The following CENPP variants were observed in gnomAD, a reference collection of about 807,000 sequenced individuals.
CENPP encodes centromere protein P.
CENPP carries 24 observed loss-of-function variants against 35.6 expected under a neutral mutation model. The observed-to-expected ratio is 0.67, with a 90% confidence interval of 0.49 to 0.95. The LOEUF (loss-of-function observed/expected upper bound fraction) is 0.95. Among genes scored for constraint, CENPP ranks in the 40% least tolerant of loss-of-function variants. The pLI is 0.00. For missense variants in CENPP, 332 were observed against 345.3 expected (o/e 0.96, Z 0.31); for synonymous variants, 120 against 125.5 (o/e 0.96, Z 0.29).
chr9:92,354,700 T>C (rs1047687227), intron 4 of CENPP, among the ~76,000 whole-genome samples: 3 of 152,200 alleles, frequency 2.0e-5, no homozygotes, highest in African/African-American at 4.8e-5. Flanking sequence ...AAAAAAAGTT[T>C]AAAAGACCTG....
rs769544473 is a variant in CENPP at position 92,619,576 on chromosome 9, G to C, written c.*6427G>C. On this transcript the variant is annotated 3_prime_UTR_variant, in exon 8 of 8. Coordinates refer to ENST00000375587, the MANE Select transcript of CENPP (RefSeq NM_001012267.3). ...GCGGTACTGCTGCACCTGCAGGGGCGGGAAAGATCAGCTCCAGGTCACACA... is the reference window on the plus strand; with the variant it reads ...GCGGTACTGCTGCACCTGCAGGGGCCGGAAAGATCAGCTCCAGGTCACACA... The C allele has an allele frequency of 1.9e-6, 3 of 1,569,662 alleles. No individual in the cohort carries two copies. The highest frequency in any genetic ancestry group is 1.9e-5 in the Admixed American group (1 of 52,554).
chr9:92,372,099 C>CTTTTTTTTTTTTTTTTT (rs71362382), intron 4 of CENPP, among the ~76,000 whole-genome samples: 75 of 30,692 alleles, frequency 2.4e-3, no homozygotes, highest in Non-Finnish European at 2.8e-3. Context: ...TGCCAGCCAT[C>CTTTTTTTTTTTTTTTTT]TTTTTTTTTT....
chr9:92,326,563 T>C (rs1840518532), intron 1 of CENPP, among the ~76,000 whole-genome samples: 1 of 152,212 alleles, frequency 6.6e-6, no homozygotes. Flanking sequence ...GAAAAGTAGT[T>C]AATATAGACT....
chr9:92,396,105 G>A (rs866672605), intron 5 of CENPP, among the ~76,000 whole-genome samples: 4 of 152,156 alleles, frequency 2.6e-5, no homozygotes, highest in Middle Eastern at 3.4e-3. Context: ...TTTCAGCACC[G>A]TTTTTTAAAA....
At chr9:92,544,620 A>G (rs941645576) in intron 5 of CENPP, among the ~76,000 whole-genome samples, 12 of 152,084 alleles carry the variant, frequency 7.9e-5, no homozygotes, top group African/African-American at 2.7e-4. Flanking sequence ...AAAAAACAAA[A>G]CTAGTAAAAG....
At chr9:92,495,708 CATAAT>C (rs1243966731) in intron 5 of CENPP, 2 of 899,364 alleles carry the variant, frequency 2.2e-6, no homozygotes, top group African/African-American at 3.6e-5. Flanking sequence ...TGTACATAAC[CATAAT>C]ATGATTTTCA....
At chr9:92,524,640 T>C (rs1319413693) in intron 5 of CENPP, among the ~76,000 whole-genome samples, 1 of 152,194 alleles carries the variant, frequency 6.6e-6, no homozygotes. Flanking sequence ...GTCCACTCAC[T>C]GTCAGTGTTT....
chr9:92,603,756 C>T (rs531783344), intron 5 of CENPP, among the ~76,000 whole-genome samples: 2 of 152,184 alleles, frequency 1.3e-5, no homozygotes, highest in African/African-American at 2.4e-5. Context: ...AGCACATCCA[C>T]GTCACTCCAG....
At chr9:92,361,692 G>C (rs1476575559) in intron 4 of CENPP, among the ~76,000 whole-genome samples, 2 of 151,710 alleles carry the variant, frequency 1.3e-5, no homozygotes, top group East Asian at 3.9e-4. Flanking sequence ...ATGCTGGCCA[G>C]GCTGGTCTCG....
At chr9:92,397,852 C>T (rs1842953530) in intron 5 of CENPP, among the ~76,000 whole-genome samples, 1 of 152,252 alleles carries the variant, frequency 6.6e-6, no homozygotes, top group East Asian at 1.9e-4. Flanking sequence ...ATACCATATA[C>T]TCATGTATAC....
chr9:92,589,200 G>C (rs932809757), intron 5 of CENPP, among the ~76,000 whole-genome samples: 1 of 151,640 alleles, frequency 6.6e-6, no homozygotes, highest in South Asian at 2.1e-4. Flanking sequence ...TTAGCTGGGC[G>C]TGGTAATGCA....
intron 5 of CENPP, among the ~76,000 whole-genome samples, chr9:92,459,026 C>T (rs1177897359): frequency 6.6e-6 from 1 of 152,106 alleles, no homozygotes; most frequent in Admixed American, 6.6e-5. Context: ...TTAGATTCTC[C>T]AAGGAATCTG....
chr9:92,573,975 C>T lies in CENPP; in HGVS notation c.565-37339C>T, dbSNP rs146591733. On this transcript the variant is annotated intron_variant, in intron 5 of 7. Transcript: ENST00000375587. ...GCATAGTATTAGAGTGGGAGTGTCC[C>T]GATTTTCCAGGTACCATCTGTCACA... Among the ~76,000 whole-genome samples the T allele has an allele frequency of 4.3e-3, 648 of 152,196 alleles. 4 individuals are homozygous for T. Among genetic ancestry groups the T allele is most frequent in the African/African-American group, 0.013 (554 of 41,534 alleles).
At chr9:92,360,399 T>C (rs987141711) in intron 4 of CENPP, among the ~76,000 whole-genome samples, 3 of 152,112 alleles carry the variant, frequency 2.0e-5, no homozygotes, top group African/African-American at 7.2e-5. Flanking sequence ...ACCCTATCTC[T>C]ACAAAAACAA....
chr9:92,472,057 A>G lies in CENPP; in HGVS notation c.564+92198A>G, dbSNP rs188346772. Among the ~76,000 whole-genome samples, 198 of 152,298 alleles carry G rather than the reference A, an allele frequency of 1.3e-3. 1 individual carries two copies. The highest frequency in any genetic ancestry group is 2.0e-3 in the Non-Finnish European group (133 of 68,038). On this transcript the variant is annotated intron_variant, in intron 5 of 7. Transcript: ENST00000375587. ...ACAGCTCTATGTACTTTTCCTTTCT[A>G]TACTTTAAAATTGGTCAGGCATGGT...
intron 5 of CENPP, among the ~76,000 whole-genome samples, chr9:92,598,306 G>A (rs1850828692): frequency 6.6e-6 from 1 of 152,170 alleles, no homozygotes; most frequent in Non-Finnish European, 1.5e-5. Context: ...GGCATGTGAG[G>A]GCGAGTTGGC....
intron 5 of CENPP, 29 bp from the exon 6 acceptor site, chr9:92,611,285 C>G: frequency 6.3e-7 from 1 of 1,584,002 alleles, no homozygotes; most frequent in South Asian, 1.1e-5. Flanking sequence ...ACCAGTGGAT[C>G]TGTCTACCCG....
At chr9:92,519,341 G>A (rs1428919291) in intron 5 of CENPP, among the ~76,000 whole-genome samples, 1 of 152,160 alleles carries the variant, frequency 6.6e-6, no homozygotes, top group Non-Finnish European at 1.5e-5. Flanking sequence ...TGGAAAAGTT[G>A]ATCCCACATA....
chr9:92,512,126 C>T, intron 5 of CENPP: 2 of 1,611,294 alleles, frequency 1.2e-6, no homozygotes, highest in Admixed American at 3.3e-5. Context: ...GATGGAATTG[C>T]CTAGGACACA....
Sources: gnomAD v4.1 joint callset for allele counts (sites outside exome capture counted in the v4.1 genomes callset) on GRCh38, gnomAD v4.1.1 for gene constraint, MANE v1.5 for transcripts, NCBI Gene and HGNC (gene_info 2026-07-23, HGNC 2026-07-21) for gene names.